ZNF875: variants seen among roughly 807,000 people sequenced by gnomAD.
ZNF875 encodes zinc finger protein 875.
In ZNF875, 14 loss-of-function variants were observed where a neutral mutation model predicts 11.2. The observed-to-expected ratio is 1.26, with a 90% CI of 0.83 to 1.96. The LOEUF is 1.96. Ranked by LOEUF, ZNF875 falls within the 30% of genes most tolerant of loss-of-function variation. The pLI, the probability that ZNF875 is intolerant of heterozygous loss-of-function variation, is 0.00. For missense variants in ZNF875, 752 were observed against 760.4 expected (o/e 0.99, Z 0.13); for synonymous variants, 301 against 281.1 (o/e 1.07, Z -0.71).
At chr19:37,344,521 C>G (rs1354525501) in intron 2 of ZNF875, 3 of 619,264 alleles carry the variant, frequency 4.8e-6, no homozygotes, top group African/African-American at 1.8e-5. Flanking sequence ...CTCCATCTTA[C>G]AAATGACGAA....
At chr19:37,360,326 T>C (rs1334002615) in intron 4 of ZNF875, among the ~76,000 whole-genome samples, 2 of 152,222 alleles carry the variant, frequency 1.3e-5, no homozygotes, top group African/African-American at 4.8e-5. Flanking sequence ...TTACTGTAGC[T>C]TTATATTAAG....
At chr19:37,313,718 A>C (rs1230033966), upstream of ZNF875, among the ~76,000 whole-genome samples, 1 of 149,012 alleles carries the variant, frequency 6.7e-6, no homozygotes, top group African/African-American at 2.5e-5. Flanking sequence ...CTCATGGGAG[A>C]CTGTGTTGAC....
chr19:37,321,162 C>T lies in ZNF875; in HGVS notation c.-746-1023C>T, dbSNP rs372821475. ...CTTGTGATGGTCTGGAATATGGCCC[C>T]GTGGGAAGGAAAAGACCTGACGTTC... On this transcript the variant is annotated intron_variant, in intron 1 of 5. Transcript: ENST00000544914. Among the ~76,000 whole-genome samples, 46 of 152,142 alleles carry T rather than the reference C, an allele frequency of 3.0e-4. No homozygotes were observed. The East Asian group carries it at 4.1e-3, about 13-fold the overall frequency.
chr19:37,337,026 T>C (rs992003458), intron 2 of ZNF875, among the ~76,000 whole-genome samples: 2 of 152,238 alleles, frequency 1.3e-5, no homozygotes, highest in Non-Finnish European at 2.9e-5. Flanking sequence ...CACTTTCAGC[T>C]TCTGGCAATT....
intron 2 of ZNF875, among the ~76,000 whole-genome samples, chr19:37,323,261 C>T (rs575870016): frequency 2.0e-5 from 3 of 152,082 alleles, no homozygotes; most frequent in African/African-American, 7.2e-5. Flanking sequence ...TCAAGCAATT[C>T]TCTTGCCTCA....
chr19:37,342,390 A>C (rs1414591287), intron 2 of ZNF875, among the ~76,000 whole-genome samples: 1 of 150,470 alleles, frequency 6.6e-6, no homozygotes, highest in Non-Finnish European at 1.5e-5. Flanking sequence ...ATTATATGTC[A>C]CTAGAAACAT....
chr19:37,347,777 AAATT>A lies in ZNF875; in HGVS notation c.162_165del (p.Glu54AspfsTer45). The A allele has an allele frequency of 6.2e-7, 1 of 1,606,824 alleles. No homozygotes were observed. Among genetic ancestry groups the A allele is most frequent in the South Asian group, 1.1e-5 (1 of 90,902 alleles). On this transcript the variant is annotated frameshift_variant and splice_region_variant, in exon 4 of 5. Transcript: ENST00000392153. LOFTEE classifies it high-confidence loss of function. Reference sequence around the variant, plus strand: ...TCCTCATTTTCTTCCCTATGAACAGAAATTCCATCTTCTAAACCAAAACTCATTG... The same window carrying A: ...TCCTCATTTTCTTCCCTATGAACAGACCATCTTCTAAACCAAAACTCATTG...
chr19:37,327,665 T>C (rs1260075226), intron 4 of ZNF875, among the ~76,000 whole-genome samples: 1 of 149,448 alleles, frequency 6.7e-6, no homozygotes, highest in Non-Finnish European at 1.5e-5. Context: ...CTTGGGAGGC[T>C]GAGGCAGGAG....
At position 37,363,718 on chromosome 19, in the gene ZNF875, A is replaced by G; in HGVS notation, c.1866A>G (p.Gly622=). Residue 622 remains glycine, a synonymous_variant, in exon 5 of 5, where the codon GGA becomes GGG. Coordinates refer to ENST00000392153, the MANE Select transcript of ZNF875 (RefSeq NM_001353803.2). ...AGCCTTATATTTGCAGAAAGTGTGG[A>G]CGGGGCTTTAGTCGGAAGTCCAACC... ...GEKPYICRKC[G]RGFSRKSNLI... 6.2e-7 allele frequency: 1 copy of G among 1,613,818 alleles called. No homozygotes were observed. The highest frequency in any genetic ancestry group is 8.5e-7 in the Non-Finnish European group (1 of 1,179,872).
chr19:37,357,592 C>T (rs759434719), intron 4 of ZNF875, among the ~76,000 whole-genome samples: 3 of 151,996 alleles, frequency 2.0e-5, no homozygotes, highest in East Asian at 1.9e-4. Flanking sequence ...TGTTTGCATT[C>T]GTGTGGCTAT....
At chr19:37,323,096 G>A (rs2031791857) in intron 2 of ZNF875, among the ~76,000 whole-genome samples, 2 of 151,882 alleles carry the variant, frequency 1.3e-5, no homozygotes, top group South Asian at 2.1e-4. Flanking sequence ...GGAGCCGGGG[G>A]GATTTTCACT....
At chr19:37,357,010 G>A (rs910531333) in intron 4 of ZNF875, among the ~76,000 whole-genome samples, 4 of 152,028 alleles carry the variant, frequency 2.6e-5, no homozygotes, top group African/African-American at 4.8e-5. Flanking sequence ...TATATGAGGG[G>A]GAAGGGTCCA....
At chr19:37,340,950 G>A (rs374736023) in intron 2 of ZNF875, among the ~76,000 whole-genome samples, 1 of 152,130 alleles carries the variant, frequency 6.6e-6, no homozygotes, top group Non-Finnish European at 1.5e-5. Flanking sequence ...GTCTGGCCTT[G>A]TGTACTTTTA....
chr19:37,344,904 C>T, intron 2 of ZNF875: 1 of 685,270 alleles, frequency 1.5e-6, no homozygotes, highest in South Asian at 1.6e-5. Flanking sequence ...AGGGACTAGG[C>T]AGATACCTGA....
At chr19:37,358,133 CTTTTTTTTTT>C (rs35011906) in intron 4 of ZNF875, 24 of 85,622 alleles carry the variant, frequency 2.8e-4, no homozygotes, top group African/African-American at 6.2e-4. Context: ...TTAAGATGAT[CTTTTTTTTTT>C]TTTTTTTTTT....
intron 4 of ZNF875, chr19:37,324,779 C>CT (rs11287385): frequency 2.0e-4 from 30 of 150,798 alleles, no homozygotes; most frequent in East Asian, 3.8e-4. Flanking sequence ...ACCTCTCTCT[C>CT]TTTTTTTTTT....
chr19:37,315,804 A>G (rs1167712855), upstream of ZNF875, among the ~76,000 whole-genome samples: 1 of 152,024 alleles, frequency 6.6e-6, no homozygotes, highest in African/African-American at 2.4e-5. Flanking sequence ...TACAAGCAGA[A>G]GTGTTGCATT....
chr19:37,340,538 G>C (rs1159649373), intron 2 of ZNF875, among the ~76,000 whole-genome samples: 1 of 151,896 alleles, frequency 6.6e-6, no homozygotes, highest in East Asian at 1.9e-4. Context: ...AGATATTTAG[G>C]ACAGTCTTCA....
chr19:37,357,149 T>C (rs904841479), intron 4 of ZNF875, among the ~76,000 whole-genome samples: 5 of 152,218 alleles, frequency 3.3e-5, no homozygotes, highest in African/African-American at 1.2e-4. Context: ...TGGTTTTATT[T>C]CTGGGTTCTC....
Sources: allele counts gnomAD v4.1 joint callset (sites outside exome capture counted in the v4.1 genomes callset), GRCh38; gene constraint gnomAD v4.1.1; transcripts MANE v1.5; gene names NCBI Gene and HGNC (gene_info 2026-07-23, HGNC 2026-07-21).